Variants in NAA16 observed in about 807,000 individuals in gnomAD.
NAA16 encodes N-alpha-acetyltransferase 16, NatA auxiliary subunit.
In NAA16, 97 loss-of-function variants were observed where a neutral mutation model predicts 110.3. The observed-to-expected ratio is 0.88, with a 90% CI of 0.75 to 1.04. The LOEUF (loss-of-function observed/expected upper bound fraction) is 1.04, where lower values mean the gene tolerates loss of function less well. NAA16 is among the 50% of genes least tolerant of loss of function. The pLI is 0.00. For missense variants in NAA16, 1,017 were observed against 1,005.1 expected, an observed-to-expected ratio of 1.01 and a Z score of -0.16; for synonymous variants, 372 against 330.6, an observed-to-expected ratio of 1.13 and a Z score of -1.36.
In NAA16 at chr13:41,369,174, A is replaced by T. The variant is rs755676363; in HGVS notation, c.1838A>T (p.Lys613Met). 6 of 1,598,336 alleles carry T rather than the reference A, an allele frequency of 3.8e-6. No individual in the cohort carries two copies. Among genetic ancestry groups the T allele is most frequent in the Non-Finnish European group, 2.6e-6 (3 of 1,173,550 alleles). Residue 613 changes from lysine to methionine, a missense_variant, in exon 15 of 20, where the codon AAG (lysine) becomes ATG (methionine). Transcript: ENST00000379406. ...QKKAKLEEERKHAERERQQKN... is the reference protein window; with the variant it reads ...QKKAKLEEERMHAERERQQKN... Reference sequence around the variant, plus strand: ...AAGGCTAAACTAGAAGAAGAAAGAAAGCATGCAGAAAGAGAACGTCAACAG... The same window carrying T: ...AAGGCTAAACTAGAAGAAGAAAGAATGCATGCAGAAAGAGAACGTCAACAG...
At chr13:41,333,342 C>G (rs1432849855) in intron 8 of NAA16, among the ~76,000 whole-genome samples, 1 of 152,044 alleles carries the variant, frequency 6.6e-6, no homozygotes, top group African/African-American at 2.4e-5. Context: ...GTATATTAAT[C>G]ATGTTGTGCA....
Position 41,372,206 on chromosome 13 carries a change from G to C in NAA16, c.1951G>C (p.Glu651Gln), listed in dbSNP as rs1437317897. Residue 651 changes from glutamate to glutamine, a missense_variant, in exon 16 of 20, where the codon GAA becomes CAA. Glu to Gln is a conservative substitution (Grantham distance 29). Transcript: ENST00000379406. ...ELIPEKLERV[E>Q]NPLEEAVKFL... is the part of the protein sequence containing the mutation. ...TTTCCTTTCTGTTTCAAAATAGGTA[G>C]AAAATCCATTAGAGGAAGCCGTTAA... The C allele has an allele frequency of 6.5e-6, 10 of 1,541,268 alleles. No homozygotes were observed. Among genetic ancestry groups the C allele is most frequent in the Non-Finnish European group, 7.9e-6 (9 of 1,145,682 alleles).
In NAA16 at chr13:41,336,753, A is replaced by G; in HGVS notation, c.1011A>G (p.Glu337=). The G allele has an allele frequency of 6.4e-7, 1 of 1,568,236 alleles. No homozygotes were observed. ...TTLKSLYYNT[E]KVSIIQELVT... is the part of the protein sequence containing the mutation. ...TGAAATCTTTATATTACAATACAGA[A>G]AAGGTAAAATTTGGTATTTATTCAG... Residue 337 remains glutamate, a synonymous_variant, in exon 9 of 20, where the codon GAA becomes GAG. Transcript: ENST00000379406.
chr13:41,355,099 T>A, intron 9 of NAA16, 45 bp from the exon 10 acceptor site: 1 of 1,232,552 alleles, frequency 8.1e-7, no homozygotes, highest in Non-Finnish European at 1.2e-6. Context: ...TAAAAATACC[T>A]TCAAGAAGAT....
At chr13:41,334,233 T>A (rs1263516945) in intron 8 of NAA16, among the ~76,000 whole-genome samples, 1 of 152,186 alleles carries the variant, frequency 6.6e-6, no homozygotes, top group Non-Finnish European at 1.5e-5. Flanking sequence ...GCCTTTCCAC[T>A]TTTTAGGTAA....
At chr13:41,325,657 T>TA (rs1566250166) in intron 5 of NAA16, 41 bp from the exon 6 acceptor site, 1 of 1,405,922 alleles carries the variant, frequency 7.1e-7, no homozygotes, top group Admixed American at 2.2e-5. Flanking sequence ...AACTGCTTTA[T>TA]ATAATTATAC....
intron 3 of NAA16, among the ~76,000 whole-genome samples, chr13:41,320,437 GA>G (rs1357651790): frequency 6.6e-6 from 1 of 152,058 alleles, no homozygotes; most frequent in Non-Finnish European, 1.5e-5. Flanking sequence ...ACAGAATAAT[GA>G]CCCCTTTCCC....
chr13:41,329,278 G>T lies in NAA16; in HGVS notation c.811+435G>T, dbSNP rs188120857. 7.8e-4 allele frequency among the ~76,000 whole-genome samples: 119 copies of T among 152,026 alleles called. 1 individual carries two copies. Among genetic ancestry groups the T allele is most frequent in the African/African-American group, 2.7e-3 (113 of 41,520 alleles). ...AATTATTGTTGAGGATATTTGCTTT[G>T]ATTTCAAACTAGGCTAATTTGTGTA... On this transcript the variant is annotated intron_variant, in intron 7 of 19. Transcript: ENST00000379406.
chr13:41,324,008 T>G (rs1035826871), intron 5 of NAA16, among the ~76,000 whole-genome samples: 1 of 152,240 alleles, frequency 6.6e-6, no homozygotes, highest in Non-Finnish European at 1.5e-5. Context: ...AGACTTGAGC[T>G]TCTTCCATCC....
At chr13:41,328,868 T>A (rs936414530) in intron 7 of NAA16, 25 bp downstream of exon 7, 2 of 1,563,910 alleles carry the variant, frequency 1.3e-6, no homozygotes, top group African/African-American at 2.7e-5. Flanking sequence ...TTCTCCTCTT[T>A]CTCATAACTA....
chr13:41,338,849 G>C (rs2042452828), intron 9 of NAA16, among the ~76,000 whole-genome samples: 1 of 152,022 alleles, frequency 6.6e-6, no homozygotes, highest in Non-Finnish European at 1.5e-5. Context: ...TGAGATTTTT[G>C]GTACACCCAT....
intron 13 of NAA16, chr13:41,362,738 C>T: frequency 7.8e-7 from 1 of 1,289,734 alleles, no homozygotes; most frequent in Non-Finnish European, 1.0e-6. Flanking sequence ...AAGCACTCTC[C>T]TTCCACATGG....
intron 1 of NAA16, among the ~76,000 whole-genome samples, chr13:41,315,298 C>T (rs944305466): frequency 6.6e-6 from 1 of 152,124 alleles, no homozygotes; most frequent in African/African-American, 2.4e-5. Flanking sequence ...ATAAGCTTGG[C>T]ATGTTGAGTA....
chr13:41,373,942 G>T, intron 18 of NAA16, 162 bp downstream of exon 18: 1 of 1,176,766 alleles, frequency 8.5e-7, no homozygotes, highest in African/African-American at 1.6e-5. Context: ...GGGAAACAGG[G>T]ATGGATTCAC....
rs574091641 is a variant in NAA16, at chr13:41,326,880, T to C, written c.691+1029T>C. On this transcript the variant is annotated intron_variant, in intron 6 of 19. Coordinates refer to ENST00000379406, the MANE Select transcript of NAA16 (RefSeq NM_024561.5). ...ACATGTATTCACCACTGTAGTATTA[T>C]ACAAAGTAGTTTCACTGCCCTAAAC... 1.2e-3 allele frequency among the ~76,000 whole-genome samples: 185 copies of C among 152,288 alleles called. 3 individuals are homozygous for C. Among genetic ancestry groups the C allele is most frequent in the Non-Finnish European group, 8.2e-4 (56 of 67,998 alleles).
At chr13:41,369,499 C>T (rs1336527417) in intron 15 of NAA16, among the ~76,000 whole-genome samples, 4 of 152,140 alleles carry the variant, frequency 2.6e-5, no homozygotes, top group Middle Eastern at 3.4e-3. Flanking sequence ...GAGTAATGGC[C>T]CTGCAAAGGT....
intron 5 of NAA16, 112 bp downstream of exon 5, chr13:41,323,302 AC>A (rs1158040862): frequency 1.9e-6 from 2 of 1,065,564 alleles, no homozygotes; most frequent in East Asian, 4.8e-5. Flanking sequence ...AAACGGGAAA[AC>A]TTTTTGACGT....
chr13:41,372,978 C>T, intron 17 of NAA16, 148 bp downstream of exon 17: 4 of 1,099,880 alleles, frequency 3.6e-6, no homozygotes, highest in Non-Finnish European at 4.7e-6. Context: ...TACAAATCCT[C>T]TGATCATGGC....
chr13:41,347,489 GTCTT>G (rs754748269), intron 9 of NAA16, among the ~76,000 whole-genome samples: 10 of 152,010 alleles, frequency 6.6e-5, no homozygotes, highest in African/African-American at 7.2e-5. Flanking sequence ...AACATGGGAT[GTCTT>G]TCTTTGTATT....
Sources: allele counts gnomAD v4.1 joint callset (sites outside exome capture counted in the v4.1 genomes callset), GRCh38; gene constraint gnomAD v4.1.1; transcripts MANE v1.5; gene names NCBI Gene and HGNC (gene_info 2026-07-23, HGNC 2026-07-21).